Variants in ZNF559 observed in about 807,000 individuals in gnomAD.
ZNF559 encodes the protein putative protein product of Nbla00121.
Under a neutral mutation model 14.2 loss-of-function variants are expected in ZNF559, and 17 were observed. That is an observed-to-expected ratio of 1.20 (90% CI 0.82 to 1.80). ZNF559 has a LOEUF of 1.80. Among genes scored for constraint, ZNF559 ranks in the 40% most tolerant of loss-of-function variants. The probability of loss-of-function intolerance (pLI) is 0.00; values close to 1 mark genes in which losing one functional copy is unlikely to be tolerated. For missense variants in ZNF559, 740 were observed against 629.7 expected (o/e 1.18, Z -1.88); for synonymous variants, 244 against 212.4 (o/e 1.15, Z -1.29).
At chr19:9,336,159 T>G (rs1384643070) in intron 2 of ZNF559, among the ~76,000 whole-genome samples, 3 of 152,200 alleles carry the variant, frequency 2.0e-5, no homozygotes, top group South Asian at 4.1e-4. Flanking sequence ...ATGGTTATTT[T>G]CTTATATTTT....
intron 2 of ZNF559, among the ~76,000 whole-genome samples, chr19:9,331,493 G>A (rs991465205): frequency 6.6e-6 from 1 of 152,304 alleles, no homozygotes; most frequent in South Asian, 2.1e-4. Context: ...GACAGCAGGA[G>A]CCCCTATTCT....
intron 2 of ZNF559, among the ~76,000 whole-genome samples, chr19:9,333,488 C>T (rs1375610211): frequency 1.3e-5 from 2 of 152,114 alleles, no homozygotes; most frequent in Admixed American, 6.5e-5. Flanking sequence ...GAATCACTTG[C>T]GTCCCACCTG....
At chr19:9,336,074 T>G (rs1317697505) in intron 2 of ZNF559, among the ~76,000 whole-genome samples, 1 of 152,186 alleles carries the variant, frequency 6.6e-6, no homozygotes, top group East Asian at 1.9e-4. Context: ...ACCATTATTA[T>G]TACTCTATTG....
At position 9,344,847 on chromosome 19, in the gene ZNF559, G is replaced by T. The variant is rs1288271834; in HGVS notation, c.*1779G>T. On this transcript the variant is annotated 3_prime_UTR_variant, in exon 7 of 7. Transcript: ENST00000603380. ...TGAATTATTGAGGCAGGTTCTTTCA[G>T]TAAGTTTGAGATATAATTGCCATGT... 6.6e-6 allele frequency: 1 copy of T among 152,134 alleles called. No homozygotes were observed. Among genetic ancestry groups the T allele is most frequent in the Non-Finnish European group, 1.5e-5 (1 of 68,036 alleles). The allele number at this position is 152,134 out of a possible 1,614,324, so 9.4% of individuals were successfully genotyped here. A position where few individuals can be genotyped will look rare whatever the true frequency, so the allele number is the denominator to read the frequency against.
rs1159218246 is a variant in ZNF559 at position 9,324,763 on chromosome 19, C to T, written c.-137C>T. 6.5e-7 allele frequency: 1 copy of T among 1,535,856 alleles called. No individual in the cohort carries two copies. Among genetic ancestry groups the T allele is most frequent in the Non-Finnish European group, 8.7e-7 (1 of 1,146,786 alleles). ...TGTCCTCCTGGCCTCAGCAACCTGA[C>T]AATTCTGTCGTGTCCCGGTGAGCAC... On this transcript the variant is annotated 5_prime_UTR_variant, in exon 2 of 7. Coordinates refer to ENST00000603380, the MANE Select transcript of ZNF559 (RefSeq NM_032497.3).
chr19:9,327,106 A>G (rs1410417506), intron 2 of ZNF559, among the ~76,000 whole-genome samples: 1 of 152,142 alleles, frequency 6.6e-6, no homozygotes, highest in Non-Finnish European at 1.5e-5. Context: ...GATACTACGC[A>G]TTTGGTCAAG....
chr19:9,329,988 T>G (rs1359262100), intron 2 of ZNF559: 1 of 152,200 alleles, frequency 6.6e-6, no homozygotes, highest in South Asian at 2.1e-4. Context: ...ATTCAGCCAT[T>G]CTGTGTCTTT....
Position 9,342,686 on chromosome 19 carries a change from A to G in ZNF559, c.1235A>G (p.Gln412Arg), listed in dbSNP as rs142845273. The change falls in exon 7 of 7, where the codon CAA becomes CGA. Residue 412 changes from glutamine (Q) to arginine (R), a missense_variant. Physicochemically the swap from Gln to Arg is conservative, Grantham distance 43 (BLOSUM62 1). Transcript: ENST00000603380. ...CCTGGTGTAAAACCCTATGACTGTCAACAGTGTGGGAAAGCCTTCATTCGA... is the reference window on the plus strand; with the variant it reads ...CCTGGTGTAAAACCCTATGACTGTCGACAGTGTGGGAAAGCCTTCATTCGA... ...THPGVKPYDC[Q>R]QCGKAFIRSS... 118 of 1,614,106 alleles carry G rather than the reference A, an allele frequency of 7.3e-5. 1 individual carries two copies. The African/African-American group carries it at 1.5e-3, about 20-fold the overall frequency.
intron 5 of ZNF559, among the ~76,000 whole-genome samples, chr19:9,340,220 C>T (rs918395659): frequency 6.6e-6 from 1 of 151,980 alleles, no homozygotes; most frequent in Non-Finnish European, 1.5e-5. Flanking sequence ...AGAGAAAAGA[C>T]AGATGTGATT....
rs1176287558 is a variant in ZNF559, at chr19:9,343,931, C to G, written c.*863C>G. 1 of 501,234 alleles carries G rather than the reference C, an allele frequency of 2.0e-6. No homozygotes were observed. Among genetic ancestry groups the G allele is most frequent in the Non-Finnish European group, 2.6e-6 (1 of 388,122 alleles). 31.0% of individuals were successfully genotyped at this position (501,234 alleles called of 1,614,324 possible). ...CCACTCTTTCCCCCATTTGTCACTA[C>G]TACACTTCCCTAGTCTTTAAAACAA... On this transcript the variant is annotated 3_prime_UTR_variant, in exon 7 of 7. Transcript: ENST00000603380.
chr19:9,331,279 T>C (rs566773568), intron 2 of ZNF559, among the ~76,000 whole-genome samples: 54 of 152,334 alleles, frequency 3.5e-4, no homozygotes, highest in Non-Finnish European at 6.0e-4. Context: ...TTTAGTTTTC[T>C]GTAGAGATGG....
At chr19:9,324,499 G>C in intron 1 of ZNF559, 196 bp from the exon 2 acceptor site, 1 of 1,373,822 alleles carries the variant, frequency 7.3e-7, no homozygotes, top group Non-Finnish European at 9.6e-7. Flanking sequence ...CCCCTCTGCA[G>C]AAGCCTCATA....
chr19:9,339,362 C>G, intron 5 of ZNF559, 43 bp downstream of exon 5: 1 of 1,563,878 alleles, frequency 6.4e-7, no homozygotes, highest in South Asian at 1.2e-5. Flanking sequence ...TTTTCTGGAA[C>G]AAATGTGTCT....
At chr19:9,332,635 CTG>C (rs1194913909) in intron 2 of ZNF559, among the ~76,000 whole-genome samples, 1 of 152,156 alleles carries the variant, frequency 6.6e-6, no homozygotes, top group Non-Finnish European at 1.5e-5. Context: ...GGATTCATCA[CTG>C]TGAATTCTGT....
At chr19:9,332,830 G>T (rs1438169511) in intron 2 of ZNF559, among the ~76,000 whole-genome samples, 2 of 152,138 alleles carry the variant, frequency 1.3e-5, no homozygotes, top group African/African-American at 4.8e-5. Flanking sequence ...TTATTTAGGT[G>T]TATCTGCATT....
At chr19:9,330,412 TTC>T (rs1164619568) in intron 2 of ZNF559, among the ~76,000 whole-genome samples, 1 of 152,192 alleles carries the variant, frequency 6.6e-6, no homozygotes, top group African/African-American at 2.4e-5. Context: ...TTCTACTCAT[TTC>T]TCTCTCTGCT....
intron 2 of ZNF559, among the ~76,000 whole-genome samples, chr19:9,335,361 G>T (rs2067179765): frequency 6.6e-6 from 1 of 152,070 alleles, no homozygotes; most frequent in South Asian, 2.1e-4. Context: ...TAGCTACTCA[G>T]AAAGCTGGGG....
At position 9,342,905 on chromosome 19, in the gene ZNF559, G is replaced by T. The variant is rs749304336; in HGVS notation, c.1454G>T (p.Arg485Ile). The change falls in exon 7 of 7, where the codon AGA becomes ATA. Residue 485 changes from arginine (R) to isoleucine (I), a missense_variant. Physicochemically the swap from Arg to Ile is moderately conservative, Grantham distance 97. Transcript: ENST00000603380. Reference protein sequence around the residue: ...SISSGLTVHMRTHTGERPFEC... With the variant: ...SISSGLTVHMITHTGERPFEC... ...TCATCAGGCCTTACAGTACACATGA[G>T]AACTCACACTGGTGAACGGCCCTTT... 1.2e-6 allele frequency: 2 copies of T among 1,614,178 alleles called. No individual in the cohort carries two copies. Among genetic ancestry groups the T allele is most frequent in the Non-Finnish European group, 1.7e-6 (2 of 1,180,020 alleles).
chr19:9,325,753 T>C (rs1323665522), intron 2 of ZNF559, among the ~76,000 whole-genome samples: 1 of 150,102 alleles, frequency 6.7e-6, no homozygotes, highest in Admixed American at 6.6e-5. Flanking sequence ...ACCCTTGCAT[T>C]CCAGCCTGGG....
Sources: allele counts gnomAD v4.1 joint callset (sites outside exome capture counted in the v4.1 genomes callset), GRCh38; gene constraint gnomAD v4.1.1; transcripts MANE v1.5; gene names NCBI Gene and HGNC (gene_info 2026-07-23, HGNC 2026-07-21).